RASGRF2: variants seen among roughly 807,000 people sequenced by gnomAD.
RASGRF2 encodes Ras protein specific guanine nucleotide releasing factor 2.
RASGRF2 carries 76 observed loss-of-function variants against 151.0 expected under a neutral mutation model. The ratio of observed to expected loss-of-function variants is 0.50; its 90% confidence interval spans 0.42 to 0.61. RASGRF2 has a LOEUF of 0.61. Ranked by LOEUF, RASGRF2 falls within the 20% of genes least tolerant of loss-of-function variation. The pLI, the probability that RASGRF2 is intolerant of heterozygous loss-of-function variation, is 0.00. For missense variants in RASGRF2, 1,148 were observed against 1,564.6 expected (o/e 0.73, Z 4.49); for synonymous variants, 504 against 566.5 (o/e 0.89, Z 1.57).
At chr5:80,986,817 C>T (rs1247359540) in intron 1 of RASGRF2, among the ~76,000 whole-genome samples, 2 of 152,172 alleles carry the variant, frequency 1.3e-5, no homozygotes, top group African/African-American at 4.8e-5. Flanking sequence ...ATTGCCATGG[C>T]ACCTGTTTCT....
At chr5:80,995,724 C>T (rs1580180099) in intron 1 of RASGRF2, among the ~76,000 whole-genome samples, 3 of 116,474 alleles carry the variant, frequency 2.6e-5, no homozygotes, top group African/African-American at 9.7e-5. Flanking sequence ...ATGGAGTCTC[C>T]GTCTGTCGCC....
At chr5:81,201,767 T>C (rs1257898852) in intron 19 of RASGRF2, among the ~76,000 whole-genome samples, 3 of 152,140 alleles carry the variant, frequency 2.0e-5, no homozygotes, top group Non-Finnish European at 2.9e-5. Flanking sequence ...CAAAGAGAGA[T>C]GATGTTTCCT....
intron 2 of RASGRF2, among the ~76,000 whole-genome samples, chr5:81,054,027 C>A (rs1195826258): frequency 6.6e-6 from 1 of 152,066 alleles, no homozygotes; most frequent in Non-Finnish European, 1.5e-5. Flanking sequence ...GGATATTAGC[C>A]CTTTGTCAGA....
chr5:81,205,168 A>T (rs1755477234), intron 19 of RASGRF2, among the ~76,000 whole-genome samples: 1 of 152,228 alleles, frequency 6.6e-6, no homozygotes, highest in Non-Finnish European at 1.5e-5. Context: ...ACTCACAAAT[A>T]ATATGGCTAA....
At chr5:81,216,648 G>C (rs1167750916) in intron 24 of RASGRF2, among the ~76,000 whole-genome samples, 1 of 152,178 alleles carries the variant, frequency 6.6e-6, no homozygotes, top group East Asian at 1.9e-4. Context: ...AGAAATTCAA[G>C]AGATAAGCTT....
intron 18 of RASGRF2, among the ~76,000 whole-genome samples, chr5:81,187,982 AAC>A (rs1394530589): frequency 5.9e-5 from 9 of 152,196 alleles, no homozygotes; most frequent in African/African-American, 2.2e-4. Context: ...GGCTAGGACA[AAC>A]ACAGCACAGA....
rs544623527 is a variant in RASGRF2 at position 81,228,706 on chromosome 5, A to G, written c.*2936A>G. 21 of 152,344 alleles carry G rather than the reference A, an allele frequency of 1.4e-4. No homozygotes were observed. Among genetic ancestry groups the G allele is most frequent in the Admixed American group, 5.2e-4 (8 of 15,308 alleles). The allele number at this position is 152,344 out of a possible 1,614,324, so 9.4% of individuals were successfully genotyped here. A position where few individuals can be genotyped will look rare whatever the true frequency, so the allele number is the denominator to read the frequency against. On this transcript the variant is annotated 3_prime_UTR_variant, in exon 27 of 27. Coordinates refer to ENST00000265080, the MANE Select transcript of RASGRF2 (RefSeq NM_006909.3). ...CTTTTCGTTATTAACTGAGACATCT[A>G]GTTTTGCTACAGGGACAAATCTCTT...
chr5:80,971,769 C>T (rs979254366), intron 1 of RASGRF2, among the ~76,000 whole-genome samples: 15 of 151,948 alleles, frequency 9.9e-5, no homozygotes, highest in Non-Finnish European at 2.9e-5. Context: ...AGGCTTTCGC[C>T]ATATTGCCCA....
At chr5:81,133,664 A>G (rs1580347385) in intron 17 of RASGRF2, among the ~76,000 whole-genome samples, 2 of 152,348 alleles carry the variant, frequency 1.3e-5, no homozygotes, top group East Asian at 3.9e-4. Context: ...TGGAGGTACT[A>G]TAAGCAACTC....
chr5:81,003,470 G>A (rs577095602), intron 1 of RASGRF2, among the ~76,000 whole-genome samples: 11 of 152,002 alleles, frequency 7.2e-5, no homozygotes, highest in African/African-American at 1.7e-4. Flanking sequence ...TGATCTGCCC[G>A]CCTTGGCCTC....
chr5:81,184,368 CAGAT>C (rs747979287), intron 18 of RASGRF2, among the ~76,000 whole-genome samples: 34 of 152,190 alleles, frequency 2.2e-4, no homozygotes, highest in Non-Finnish European at 3.8e-4. Flanking sequence ...TGCGCGCAGA[CAGAT>C]GGATGGGGGC....
chr5:81,222,092 A>G (rs1755868663), intron 26 of RASGRF2, among the ~76,000 whole-genome samples: 1 of 152,100 alleles, frequency 6.6e-6, no homozygotes, highest in African/African-American at 2.4e-5. Context: ...TTTTTTGGAG[A>G]ATGGTTTCAG....
intron 17 of RASGRF2, among the ~76,000 whole-genome samples, chr5:81,161,745 A>G (rs572590343): frequency 1.3e-5 from 2 of 152,204 alleles, no homozygotes; most frequent in African/African-American, 4.8e-5. Context: ...AGAGATTCCC[A>G]TATATGAACT....
intron 5 of RASGRF2, among the ~76,000 whole-genome samples, chr5:81,077,135 T>C (rs1482302421): frequency 6.6e-6 from 1 of 152,158 alleles, no homozygotes; most frequent in Non-Finnish European, 1.5e-5. Context: ...GGGATTTAGG[T>C]CATGCTAGTG....
At chr5:81,011,765 A>G (rs1197055271) in intron 1 of RASGRF2, among the ~76,000 whole-genome samples, 1 of 141,726 alleles carries the variant, frequency 7.1e-6, no homozygotes, top group African/African-American at 2.6e-5. Flanking sequence ...AAAAAAAAAA[A>G]GGAAAAGAAA....
intron 2 of RASGRF2, among the ~76,000 whole-genome samples, chr5:81,052,431 G>C (rs1751041779): frequency 6.6e-6 from 1 of 152,180 alleles, no homozygotes; most frequent in Admixed American, 6.5e-5. Context: ...AACTGTGACT[G>C]TGAACAGGAA....
At chr5:81,096,947 T>G (rs753483135) in intron 12 of RASGRF2, among the ~76,000 whole-genome samples, 20 of 129,304 alleles carry the variant, frequency 1.5e-4, no homozygotes, top group South Asian at 2.7e-4. Context: ...GTTTTTTCTG[T>G]TTTTTTTGTT....
chr5:81,001,528 C>A (rs886977601), intron 1 of RASGRF2, among the ~76,000 whole-genome samples: 3 of 152,144 alleles, frequency 2.0e-5, no homozygotes, highest in African/African-American at 7.2e-5. Flanking sequence ...CCCTTGGGAA[C>A]ATGAAGATGC....
At chr5:81,062,206 G>A (rs550535529) in intron 2 of RASGRF2, among the ~76,000 whole-genome samples, 208 of 152,106 alleles carry the variant, frequency 1.4e-3, no homozygotes, top group African/African-American at 4.7e-3. Context: ...GCCCTTTTGT[G>A]TATTTCTTGA....
Sources: allele counts gnomAD v4.1 joint callset (sites outside exome capture counted in the v4.1 genomes callset), GRCh38; gene constraint gnomAD v4.1.1; transcripts MANE v1.5; gene names NCBI Gene and HGNC (gene_info 2026-07-23, HGNC 2026-07-21).